The following RABGAP1L variants were observed in gnomAD, a reference collection of about 807,000 sequenced individuals.
RABGAP1L encodes the protein RAB GTPase activating protein 1 like, also known as rab GTPase-activating protein 1-like.
In RABGAP1L, 63 loss-of-function variants were observed where a neutral mutation model predicts 137.7. The ratio of observed to expected loss-of-function variants is 0.46; its 90% CI spans 0.37 to 0.56. The LOEUF is 0.56. RABGAP1L is among the 20% of genes least tolerant of loss of function. The probability of loss-of-function intolerance (pLI) is 0.00; values close to 1 mark genes in which losing one functional copy is unlikely to be tolerated. For missense variants in RABGAP1L, 1,095 were observed against 1,244.0 expected, an observed-to-expected ratio of 0.88 and a Z score of 1.80; for synonymous variants, 431 against 433.7, an observed-to-expected ratio of 0.99 and a Z score of 0.08.
chr1:174,548,184 A>T, intron 13 of RABGAP1L: 2 of 1,451,398 alleles, frequency 1.4e-6, no homozygotes, highest in Non-Finnish European at 1.8e-6. Context: ...CTGTGTGCAT[A>T]ATCTCTCAGG....
chr1:174,597,651 G>A (rs1032242018), intron 13 of RABGAP1L, among the ~76,000 whole-genome samples: 4 of 150,600 alleles, frequency 2.7e-5, no homozygotes, highest in Admixed American at 2.0e-4. Flanking sequence ...AAAACTTTTC[G>A]AACTTTTCGA....
chr1:174,573,239 GTA>G (rs554306805), intron 13 of RABGAP1L, among the ~76,000 whole-genome samples: 1 of 141,330 alleles, frequency 7.1e-6, no homozygotes, highest in African/African-American at 2.7e-5. Context: ...ATGTTTATAT[GTA>G]TGTGTGTATA....
At chr1:174,957,859 A>G (rs781124874) in intron 20 of RABGAP1L, 5 of 1,543,088 alleles carry the variant, frequency 3.2e-6, no homozygotes, top group Admixed American at 3.8e-5. Context: ...GAGACTCCCA[A>G]ATAGCCAACC....
intron 17 of RABGAP1L, among the ~76,000 whole-genome samples, chr1:174,746,448 A>G (rs1344335061): frequency 6.6e-6 from 1 of 152,230 alleles, no homozygotes; most frequent in Non-Finnish European, 1.5e-5. Flanking sequence ...GTTGCCTCAT[A>G]TACTGCAAGC....
At chr1:174,828,240 C>G (rs1380277998) in intron 19 of RABGAP1L, among the ~76,000 whole-genome samples, 1 of 147,896 alleles carries the variant, frequency 6.8e-6, no homozygotes, top group Non-Finnish European at 1.5e-5. Context: ...CTATAACTGT[C>G]TCATAACTGG....
chr1:174,680,545 G>A (rs553720458), intron 14 of RABGAP1L, among the ~76,000 whole-genome samples: 1 of 152,156 alleles, frequency 6.6e-6, no homozygotes, highest in Non-Finnish European at 1.5e-5. Flanking sequence ...AATGGACTCA[G>A]ACAGAGTTGT....
intron 13 of RABGAP1L, among the ~76,000 whole-genome samples, chr1:174,538,581 A>G (rs1250098861): frequency 2.0e-5 from 3 of 152,130 alleles, no homozygotes; most frequent in African/African-American, 7.2e-5. Context: ...GCATCTTGAC[A>G]TTTAATTTTT....
chr1:174,775,555 C>T (rs926637870), intron 18 of RABGAP1L, among the ~76,000 whole-genome samples: 2 of 152,048 alleles, frequency 1.3e-5, no homozygotes, highest in Admixed American at 6.6e-5. Flanking sequence ...TCAGGAGATC[C>T]GCCCACCTTG....
intron 4 of RABGAP1L, among the ~76,000 whole-genome samples, chr1:174,237,091 C>A (rs1273340724): frequency 6.7e-6 from 1 of 150,006 alleles, no homozygotes; most frequent in Admixed American, 6.7e-5. Flanking sequence ...AGGATTGCAA[C>A]CCCTGTCTTT....
intron 1 of RABGAP1L, among the ~76,000 whole-genome samples, chr1:174,164,451 C>T (rs575190778): frequency 2.0e-5 from 3 of 152,330 alleles, no homozygotes; most frequent in Non-Finnish European, 2.9e-5. Flanking sequence ...ATTCCGCAAG[C>T]GCACACACAC....
intron 24 of RABGAP1L, among the ~76,000 whole-genome samples, chr1:174,986,977 A>G (rs1338791656): frequency 1.3e-5 from 2 of 152,258 alleles, no homozygotes; most frequent in Admixed American, 6.5e-5. Flanking sequence ...CAATATGCCT[A>G]TACTGGGCTA....
chr1:174,940,426 C>G (rs1665673898), intron 19 of RABGAP1L, among the ~76,000 whole-genome samples: 1 of 151,870 alleles, frequency 6.6e-6, no homozygotes, highest in African/African-American at 2.4e-5. Context: ...ATACCACTGA[C>G]CATGCCTGGC....
At chr1:174,417,787 A>G (rs1650777880) in intron 13 of RABGAP1L, among the ~76,000 whole-genome samples, 2 of 152,200 alleles carry the variant, frequency 1.3e-5, no homozygotes, top group African/African-American at 4.8e-5. Flanking sequence ...GATTTCAAAT[A>G]ATAATATTAC....
chr1:174,498,664 ATT>A (rs371906339), intron 13 of RABGAP1L, among the ~76,000 whole-genome samples: 11 of 133,412 alleles, frequency 8.2e-5, no homozygotes, highest in Admixed American at 1.5e-4. Context: ...GCCCGGCTAA[ATT>A]TTTTTTTTTT....
At chr1:174,532,126 A>G (rs946436591) in intron 13 of RABGAP1L, among the ~76,000 whole-genome samples, 1 of 152,082 alleles carries the variant, frequency 6.6e-6, no homozygotes, top group Non-Finnish European at 1.5e-5. Flanking sequence ...GAAAATTCCA[A>G]CTCGACAGCT....
intron 12 of RABGAP1L, among the ~76,000 whole-genome samples, chr1:174,390,097 G>A (rs920972794): frequency 1.3e-5 from 2 of 152,032 alleles, no homozygotes; most frequent in Non-Finnish European, 2.9e-5. Context: ...TATACTAGCA[G>A]CATCTAGCTT....
intron 13 of RABGAP1L, among the ~76,000 whole-genome samples, chr1:174,455,639 TTAG>T (rs1655957793): frequency 6.6e-6 from 1 of 152,118 alleles, no homozygotes; most frequent in Non-Finnish European, 1.5e-5. Flanking sequence ...AATATAATTA[TTAG>T]TAGATGGCGT....
intron 4 of RABGAP1L, among the ~76,000 whole-genome samples, chr1:174,234,647 C>T (rs1443056676): frequency 6.6e-6 from 1 of 151,622 alleles, no homozygotes; most frequent in Admixed American, 6.6e-5. Context: ...GGTACCAGTG[C>T]CATGCTGTTT....
intron 10 of RABGAP1L, among the ~76,000 whole-genome samples, chr1:174,297,908 T>G (rs1366134196): frequency 6.6e-6 from 1 of 152,188 alleles, no homozygotes; most frequent in Non-Finnish European, 1.5e-5. Context: ...TTGGGTTCCC[T>G]TTCCCTGAGG....
Sources: allele counts gnomAD v4.1 joint callset (sites outside exome capture counted in the v4.1 genomes callset), GRCh38; gene constraint gnomAD v4.1.1; transcripts MANE v1.5; gene names NCBI Gene and HGNC (gene_info 2026-07-23, HGNC 2026-07-21).